The following PXDNL variants were observed in gnomAD, a reference collection of about 807,000 sequenced individuals.
PXDNL encodes probable oxidoreductase PXDNL.
In PXDNL, 145 loss-of-function variants were observed where a neutral mutation model predicts 150.8. That is an observed-to-expected ratio of 0.96 (90% CI 0.84 to 1.10). The LOEUF (loss-of-function observed/expected upper bound fraction) is 1.10. PXDNL is among the 50% of genes least tolerant of loss of function. The pLI, the probability that PXDNL is intolerant of heterozygous loss-of-function variation, is 0.00. For synonymous variants in PXDNL, 757 were observed against 725.7 expected (o/e 1.04, Z -0.69); for missense variants, 2,087 against 1,873.9 (o/e 1.11, Z -2.10).
chr8:51,356,989 T>C (rs1323654797), intron 19 of PXDNL, among the ~76,000 whole-genome samples: 1 of 152,146 alleles, frequency 6.6e-6, no homozygotes, highest in African/African-American at 2.4e-5. Flanking sequence ...CTGATAATTA[T>C]CCCCCAAACC....
In PXDNL at chr8:51,732,757, G is replaced by A. The variant is rs576918144; in HGVS notation, c.164+76424C>T. Among the ~76,000 whole-genome samples, 47 of 152,284 alleles carry A rather than the reference G, an allele frequency of 3.1e-4. 1 individual carries two copies. The highest frequency in any genetic ancestry group is 1.9e-4 in the East Asian group (1 of 5,180). On this transcript the variant is annotated intron_variant, in intron 1 of 22. Coordinates refer to ENST00000356297, the MANE Select transcript of PXDNL (RefSeq NM_144651.5). ...CTTACATGGCAGCAGGCAAGAGAGC[G>A]TGTGTAGGGAAACTCCCCTTTATAA... is the stretch of plus-strand genomic sequence containing the variant.
intron 19 of PXDNL, among the ~76,000 whole-genome samples, chr8:51,356,897 C>T (rs1285094193): frequency 1.3e-5 from 2 of 152,154 alleles, no homozygotes; most frequent in Non-Finnish European, 2.9e-5. Context: ...ACTTACTATT[C>T]CCTAGGCCTT....
intron 1 of PXDNL, among the ~76,000 whole-genome samples, chr8:51,728,923 G>C (rs1816868744): frequency 6.6e-6 from 1 of 152,110 alleles, no homozygotes; most frequent in South Asian, 2.1e-4. Context: ...CATCCTGCAA[G>C]CTCCATTCAT....
intron 17 of PXDNL, among the ~76,000 whole-genome samples, chr8:51,391,669 T>C (rs1807914255): frequency 6.6e-6 from 1 of 152,194 alleles, no homozygotes; most frequent in Admixed American, 6.5e-5. Flanking sequence ...TTGCGAAAAT[T>C]TTCTCCCATT....
chr8:51,509,130 G>T (rs1478972690), intron 4 of PXDNL, among the ~76,000 whole-genome samples: 1 of 152,116 alleles, frequency 6.6e-6, no homozygotes, highest in Non-Finnish European at 1.5e-5. Context: ...GATTTTAGAT[G>T]CTCTCACCAC....
At chr8:51,433,687 A>G (rs1809317279) in intron 12 of PXDNL, among the ~76,000 whole-genome samples, 1 of 152,134 alleles carries the variant, frequency 6.6e-6, no homozygotes, top group South Asian at 2.1e-4. Context: ...TTCCAATTTG[A>G]AACTTATAAT....
At chr8:51,551,504 G>T (rs765067998) in intron 4 of PXDNL, among the ~76,000 whole-genome samples, 5 of 152,122 alleles carry the variant, frequency 3.3e-5, no homozygotes, top group Non-Finnish European at 5.9e-5. Context: ...ATGAAATAGA[G>T]AACTCAGAAA....
intron 19 of PXDNL, among the ~76,000 whole-genome samples, chr8:51,350,497 T>C (rs1046308589): frequency 6.6e-6 from 1 of 151,794 alleles, no homozygotes; most frequent in African/African-American, 2.4e-5. Context: ...GTAGCTGGGA[T>C]TACAGGCCCA....
Position 51,408,155 on chromosome 8 carries a change from T to C in PXDNL, c.3469A>G (p.Arg1157Gly). 1 of 1,613,976 alleles carries C rather than the reference T, an allele frequency of 6.2e-7. No individual in the cohort carries two copies. Among genetic ancestry groups the C allele is most frequent in the South Asian group, 1.1e-5 (1 of 91,074 alleles). ...ACTGAAGTCAAATTACAGAAAACTC[T>C]GAAGTCAACATATGGTGGGATCCCG... ...DHGIPPYVDF[R>G]VFCNLTSVKN... Residue 1157 changes from arginine (R) to glycine (G), a missense_variant, in exon 17 of 23, where the codon AGA (arginine) becomes GGA (glycine). Transcript: ENST00000356297.
chr8:51,596,919 A>G (rs1813582528), intron 2 of PXDNL, among the ~76,000 whole-genome samples: 1 of 152,054 alleles, frequency 6.6e-6, no homozygotes, highest in Admixed American at 6.6e-5. Flanking sequence ...ATTAGGGCCC[A>G]CTTGTTGATT....
chr8:51,759,197 A>T (rs1285363171), intron 1 of PXDNL, among the ~76,000 whole-genome samples: 2 of 152,172 alleles, frequency 1.3e-5, no homozygotes, highest in Non-Finnish European at 2.9e-5. Context: ...GCTCTCCCAC[A>T]GCCACTAAGC....
intron 19 of PXDNL, among the ~76,000 whole-genome samples, chr8:51,371,278 C>A (rs1198591440): frequency 6.6e-6 from 1 of 152,182 alleles, no homozygotes; most frequent in Non-Finnish European, 1.5e-5. Context: ...ACACTTTCAT[C>A]AAAGGAGAAA....
chr8:51,681,020 C>T lies in PXDNL; in HGVS notation c.165-26260G>A, dbSNP rs556625661. Reference sequence around the variant, plus strand: ...TTTCGTCCAGACACATGTGGTTTTTCGTGCAGAAGAGAGAGCTAACTGTCA... The same window carrying T: ...TTTCGTCCAGACACATGTGGTTTTTTGTGCAGAAGAGAGAGCTAACTGTCA... On this transcript the variant is annotated intron_variant, in intron 1 of 22. Coordinates refer to ENST00000356297, the MANE Select transcript of PXDNL (RefSeq NM_144651.5). 2.8e-4 allele frequency among the ~76,000 whole-genome samples: 43 copies of T among 152,070 alleles called. No individual in the cohort carries two copies. The South Asian group carries it at 8.5e-3, about 30-fold the overall frequency.
At chr8:51,696,150 G>A (rs1010810675) in intron 1 of PXDNL, among the ~76,000 whole-genome samples, 7 of 152,142 alleles carry the variant, frequency 4.6e-5, no homozygotes, top group African/African-American at 1.4e-4. Context: ...GCAACAAAGA[G>A]ACCCTGGCTG....
intron 14 of PXDNL, among the ~76,000 whole-genome samples, chr8:51,419,324 T>C (rs1489443030): frequency 1.3e-5 from 2 of 152,248 alleles, no homozygotes; most frequent in Non-Finnish European, 2.9e-5. Context: ...ATTAGTTCAA[T>C]GTCTCAATGG....
intron 4 of PXDNL, among the ~76,000 whole-genome samples, chr8:51,502,085 C>CA (rs577849232): frequency 4.6e-5 from 7 of 150,994 alleles, no homozygotes; most frequent in South Asian, 2.1e-4. Flanking sequence ...AGAGCAACAG[C>CA]AAAAAAAAAT....
chr8:51,789,466 G>A (rs553409900), intron 1 of PXDNL, among the ~76,000 whole-genome samples: 75 of 152,180 alleles, frequency 4.9e-4, no homozygotes, highest in African/African-American at 1.6e-3. Flanking sequence ...GGCAGCTCTT[G>A]GATATAGTCT....
At chr8:51,431,633 A>G (rs978185517) in intron 12 of PXDNL, among the ~76,000 whole-genome samples, 1 of 152,102 alleles carries the variant, frequency 6.6e-6, no homozygotes. Context: ...GAATTCCTCT[A>G]TAATATCGCT....
intron 1 of PXDNL, among the ~76,000 whole-genome samples, chr8:51,759,469 G>A (rs995565725): frequency 3.3e-5 from 5 of 152,070 alleles, no homozygotes; most frequent in Admixed American, 6.6e-5. Flanking sequence ...CTATGTCCCC[G>A]ATTTGAGTGT....
Sources: gnomAD v4.1 joint callset for allele counts (sites outside exome capture counted in the v4.1 genomes callset) on GRCh38, gnomAD v4.1.1 for gene constraint, MANE v1.5 for transcripts, NCBI Gene and HGNC (gene_info 2026-07-23, HGNC 2026-07-21) for gene names.